ARHGEF10: variants seen among roughly 807,000 people sequenced by gnomAD.
ARHGEF10 encodes the protein Rho guanine nucleotide exchange factor 10, also known as Rho guanine nucleotide exchange factor (GEF) 10.
A neutral mutation model predicts 147.4 loss-of-function variants in ARHGEF10; 140 were observed. That is an observed-to-expected ratio of 0.95 (90% CI 0.83 to 1.09). ARHGEF10 has a LOEUF of 1.09. Ranked by LOEUF, ARHGEF10 falls within the 50% of genes least tolerant of loss-of-function variation. The pLI is 0.00. For missense variants in ARHGEF10, 2,222 were observed against 1,752.7 expected (o/e 1.27, Z -4.78); for synonymous variants, 902 against 695.8 (o/e 1.30, Z -4.67).
intron 26 of ARHGEF10, among the ~76,000 whole-genome samples, chr8:1,942,092 C>G (rs977406801): frequency 2.0e-5 from 3 of 151,986 alleles, no homozygotes; most frequent in African/African-American, 4.8e-5. Flanking sequence ...CAAGCACAAG[C>G]AACCAATGTG....
rs140237369 is a variant in ARHGEF10 at position 1,921,457 on chromosome 8, G to A, written c.2144-1507G>A. Among the ~76,000 whole-genome samples, 926 of 152,306 alleles carry A rather than the reference G, an allele frequency of 6.1e-3. 3 individuals carry two copies. Among genetic ancestry groups the A allele is most frequent in the Admixed American group, 0.014 (215 of 15,292 alleles). ...ATTTCAGGATGTCCAGGCCAGGCAC[G>A]GTGGCTCACGCCTCTAATCCCAGCA... On this transcript the variant is annotated intron_variant, in intron 18 of 28. Coordinates refer to ENST00000349830, the MANE Select transcript of ARHGEF10 (RefSeq NM_014629.4).
chr8:1,876,613 G>T lies in ARHGEF10; in HGVS notation c.722G>T (p.Gly241Val), dbSNP rs1245741562. Reference sequence around the variant, plus strand: ...GATGTTGAGAATGGGGATGAAGGTGGAAACAGCTCCTTGGAATACGGATGG... The same window carrying T: ...GATGTTGAGAATGGGGATGAAGGTGTAAACAGCTCCTTGGAATACGGATGG... ...YDDVENGDEG[G>V]NSSLEYGWSS... The change falls in exon 8 of 29, where the codon GGA (glycine) becomes GTA (valine). Residue 241 changes from glycine to valine, a missense_variant. By Grantham distance (109) the Gly-to-Val change is moderately radical. Coordinates refer to ENST00000349830, the MANE Select transcript of ARHGEF10 (RefSeq NM_014629.4). The T allele has an allele frequency of 1.2e-6, 2 of 1,614,236 alleles. No individual in the cohort carries two copies. Among genetic ancestry groups the T allele is most frequent in the Non-Finnish European group, 1.7e-6 (2 of 1,180,038 alleles).
chr8:1,926,888 G>A (rs1476962864), intron 23 of ARHGEF10: 1 of 302,584 alleles, frequency 3.3e-6, no homozygotes, highest in African/African-American at 2.2e-5. Context: ...TGGAATTGCA[G>A]TAGACGTTCC....
At chr8:1,950,011 G>A (rs1814901241) in intron 27 of ARHGEF10, among the ~76,000 whole-genome samples, 1 of 152,126 alleles carries the variant, frequency 6.6e-6, no homozygotes, top group Non-Finnish European at 1.5e-5. Flanking sequence ...CGGGAGATGC[G>A]TCTGCCTCTG....
At chr8:1,897,352 C>T (rs1810063414) in intron 14 of ARHGEF10, among the ~76,000 whole-genome samples, 1 of 152,054 alleles carries the variant, frequency 6.6e-6, no homozygotes, top group Non-Finnish European at 1.5e-5. Context: ...AGTTCCCACT[C>T]TGGACAGCTG....
chr8:1,832,927 G>C (rs1165676765), intron 1 of ARHGEF10, among the ~76,000 whole-genome samples: 3 of 113,664 alleles, frequency 2.6e-5, no homozygotes, highest in Admixed American at 1.7e-4. Flanking sequence ...GGCAGAGACA[G>C]AGGCAGAGAC....
chr8:1,957,032 C>T lies in ARHGEF10; in HGVS notation c.3804C>T (p.Gly1268=). The change falls in exon 29 of 29, where the codon GGC becomes GGT. Residue 1268 remains glycine (G), a synonymous_variant. Coordinates refer to ENST00000349830, the MANE Select transcript of ARHGEF10 (RefSeq NM_014629.4). ...CTGGGTCCCTGAGCTTGTCTCACGGCTCCAGCTCTCTAGAGCACAGATCAG... is the reference window on the plus strand; with the variant it reads ...CTGGGTCCCTGAGCTTGTCTCACGGTTCCAGCTCTCTAGAGCACAGATCAG... ...SSSGSLSLSH[G]SSSLEHRSED... The T allele has an allele frequency of 2.5e-6, 4 of 1,613,998 alleles. No individual in the cohort carries two copies. Among genetic ancestry groups the T allele is most frequent in the Non-Finnish European group, 3.4e-6 (4 of 1,180,050 alleles).
At position 1,850,003 on chromosome 8, in the gene ARHGEF10, T is replaced by C. The variant is rs1478525555; in HGVS notation, c.37+6567T>C. 1.2e-4 allele frequency among the ~76,000 whole-genome samples: 9 copies of C among 75,308 alleles called. 1 individual carries two copies. The highest frequency in any genetic ancestry group is 3.5e-4 in the African/African-American group (8 of 22,956). 49.4% of individuals were successfully genotyped at this position (75,308 alleles called of 152,430 possible). On this transcript the variant is annotated intron_variant, in intron 2 of 28. Coordinates refer to ENST00000349830, the MANE Select transcript of ARHGEF10 (RefSeq NM_014629.4). ...CTGCATGGACACAGAGGGCAAATGC[T>C]GAGGAGGGCGTGGGCCGGCTGCATG...
At chr8:1,950,102 C>T (rs1252521256) in intron 27 of ARHGEF10, among the ~76,000 whole-genome samples, 2 of 152,188 alleles carry the variant, frequency 1.3e-5, no homozygotes, top group African/African-American at 4.8e-5. Context: ...TCCCACTTCA[C>T]ACGTGTAACC....
chr8:1,825,957 A>G (rs1360319281), intron 1 of ARHGEF10: 8 of 670,580 alleles, frequency 1.2e-5, no homozygotes, highest in Admixed American at 2.8e-5. Context: ...TTTATAGAAA[A>G]TAATTTTTAT....
chr8:1,888,544 A>G (rs1809007384), intron 11 of ARHGEF10, among the ~76,000 whole-genome samples: 1 of 117,762 alleles, frequency 8.5e-6, no homozygotes, highest in African/African-American at 3.9e-5. Flanking sequence ...GGAGACGCTG[A>G]GTGGGGTGAG....
intron 1 of ARHGEF10, among the ~76,000 whole-genome samples, chr8:1,832,810 A>G (rs1460804880): frequency 8.9e-6 from 1 of 111,762 alleles, no homozygotes; most frequent in African/African-American, 3.6e-5. Flanking sequence ...AGAGGCAGAG[A>G]CAGAGGCAGA....
intron 26 of ARHGEF10, among the ~76,000 whole-genome samples, chr8:1,942,707 G>A (rs1320222879): frequency 1.3e-5 from 2 of 152,166 alleles, no homozygotes; most frequent in Non-Finnish European, 2.9e-5. Flanking sequence ...ACTGGTGAAT[G>A]GACAAACAGA....
chr8:1,858,164 G>GT, intron 3 of ARHGEF10, 49 bp downstream of exon 3: 1 of 1,564,002 alleles, frequency 6.4e-7, no homozygotes. Flanking sequence ...GGGTCCCCAG[G>GT]TGAGTCCCCA....
In ARHGEF10 at chr8:1,866,540, G is replaced by A. The variant is rs762983224; in HGVS notation, c.560G>A (p.Gly187Asp). 6.2e-7 allele frequency: 1 copy of A among 1,611,236 alleles called. No homozygotes were observed. Among genetic ancestry groups the A allele is most frequent in the East Asian group, 2.2e-5 (1 of 44,868 alleles). The part of the protein sequence containing the change: ...EEPPTSEDQV[G>D]REDSALARWA... ...TTTTCTTTAAGTGAAGATCAAGTCG[G>A]TCGAGAGGACAGCGCACTTGCCCGC... is the stretch of plus-strand genomic sequence containing the variant. Residue 187 changes from glycine (G) to aspartate (D), a missense_variant, in exon 6 of 29, where the codon GGT (glycine) becomes GAT (aspartate). By Grantham distance (94) the Gly-to-Asp change is moderately conservative. Transcript: ENST00000349830.
chr8:1,858,870 T>A, intron 3 of ARHGEF10: 1 of 172,218 alleles, frequency 5.8e-6, no homozygotes, highest in Non-Finnish European at 1.3e-5. Context: ...TGCACGGCAT[T>A]TCTTTGGGTG....
chr8:1,906,548 C>T (rs903954107), intron 17 of ARHGEF10, among the ~76,000 whole-genome samples: 19 of 152,174 alleles, frequency 1.2e-4, no homozygotes, highest in South Asian at 4.1e-4. Context: ...CATTTTCCAG[C>T]GGCCAGATAT....
chr8:1,919,999 A>G (rs1812132421), intron 18 of ARHGEF10, among the ~76,000 whole-genome samples: 1 of 139,778 alleles, frequency 7.2e-6, no homozygotes. Flanking sequence ...TCTGTCAGTG[A>G]TGGAGCTGTT....
rs1022372996 is a variant in ARHGEF10, at chr8:1,958,257, C to T, written c.*994C>T. The stretch of plus-strand genomic sequence containing the variant: ...CAGGCCAAGAGGCGTGACCTCGGGC[C>T]AGCCTGTCTGTTGTGCAGACGCCTC... On this transcript the variant is annotated 3_prime_UTR_variant, in exon 29 of 29. Transcript: ENST00000349830. 4 of 152,230 alleles carry T rather than the reference C, an allele frequency of 2.6e-5. No individual in the cohort carries two copies. Among genetic ancestry groups the T allele is most frequent in the Admixed American group, 2.6e-4 (4 of 15,290 alleles). 9.4% of individuals were successfully genotyped at this position (152,230 alleles called of 1,614,324 possible).
Sources: gnomAD v4.1 joint callset for allele counts (sites outside exome capture counted in the v4.1 genomes callset) on GRCh38, gnomAD v4.1.1 for gene constraint, MANE v1.5 for transcripts, NCBI Gene and HGNC (gene_info 2026-07-23, HGNC 2026-07-21) for gene names.